Variants in GPR137B observed in about 807,000 individuals in gnomAD.
GPR137B encodes the protein integral membrane protein GPR137B.
Under a neutral mutation model 42.5 loss-of-function variants are expected in GPR137B, and 42 were observed. The observed-to-expected ratio is 0.99, with a 90% CI of 0.77 to 1.28. GPR137B has a LOEUF of 1.28. Ranked by LOEUF, GPR137B falls within the 50% of genes most tolerant of loss-of-function variation. The pLI is 0.00. For synonymous variants in GPR137B, 218 were observed against 209.7 expected, an observed-to-expected ratio of 1.04 and a Z score of -0.34; for missense variants, 487 against 493.9, an observed-to-expected ratio of 0.99 and a Z score of 0.13.
At chr1:236,157,543 CCTT>C (rs1382457967) in intron 1 of GPR137B, among the ~76,000 whole-genome samples, 7 of 152,126 alleles carry the variant, frequency 4.6e-5, no homozygotes, top group Non-Finnish European at 1.0e-4. Context: ...ACTTAGCCAT[CCTT>C]CTGTGTCCCT....
At position 236,198,243 on chromosome 1, in the gene GPR137B, C is replaced by T. The variant is rs149304675; in HGVS notation, c.967-6883C>T. On this transcript the variant is annotated intron_variant, in intron 5 of 6. Transcript: ENST00000366592. ...TTTTTGAGACAGAGTCTTGCTCTGT[C>T]GTCCAGGCTGGAGTGCAGTGGTGTG... Among the ~76,000 whole-genome samples, 4 of 152,110 alleles carry T rather than the reference C, an allele frequency of 2.6e-5. No homozygotes were observed. In the East Asian group the frequency reaches 7.7e-4, roughly 29 times the overall value.
At chr1:236,146,149 C>T (rs6685496) in intron 1 of GPR137B, among the ~76,000 whole-genome samples, 29,203 of 152,090 alleles carry the variant, frequency 0.19, 3,400 homozygotes, top group African/African-American at 0.31. Flanking sequence ...TGAGCCACCG[C>T]GCCTGGCCAT....
intron 5 of GPR137B, among the ~76,000 whole-genome samples, chr1:236,188,238 T>G (rs1330186214): frequency 6.6e-6 from 1 of 152,190 alleles, no homozygotes; most frequent in Non-Finnish European, 1.5e-5. Context: ...ACAGTGGGGT[T>G]TTCTAAATAT....
chr1:236,153,671 TCTC>T (rs1437124768), intron 1 of GPR137B, among the ~76,000 whole-genome samples: 1 of 152,200 alleles, frequency 6.6e-6, no homozygotes, highest in Non-Finnish European at 1.5e-5. Context: ...GTCAACGACT[TCTC>T]CATTGTGCGA....
intron 2 of GPR137B, among the ~76,000 whole-genome samples, chr1:236,176,494 G>A (rs2102908851): frequency 6.6e-6 from 1 of 152,164 alleles, no homozygotes; most frequent in Non-Finnish European, 1.5e-5. Context: ...CTGCTTGGGG[G>A]CCCGGGCTGC....
At chr1:236,205,931 T>C (rs1365357626) in intron 6 of GPR137B, among the ~76,000 whole-genome samples, 2 of 152,254 alleles carry the variant, frequency 1.3e-5, no homozygotes, top group African/African-American at 4.8e-5. Flanking sequence ...CACTTGTCTA[T>C]GGAATCACTC....
At chr1:236,173,400 A>AAG (rs957785690) in intron 2 of GPR137B, among the ~76,000 whole-genome samples, 3 of 102,706 alleles carry the variant, frequency 2.9e-5, no homozygotes, top group Non-Finnish European at 5.4e-5. Context: ...CAGGTAGGGA[A>AAG]AGAGAGAGAG....
intron 1 of GPR137B, among the ~76,000 whole-genome samples, chr1:236,149,130 C>T (rs949173419): frequency 2.0e-5 from 3 of 152,220 alleles, no homozygotes; most frequent in Non-Finnish European, 4.4e-5. Flanking sequence ...GGTCCCCGGG[C>T]TGACCCTGCC....
At chr1:236,203,851 GAATTT>G (rs761856930) in intron 5 of GPR137B, among the ~76,000 whole-genome samples, 6 of 152,104 alleles carry the variant, frequency 3.9e-5, no homozygotes, top group Non-Finnish European at 8.8e-5. Context: ...CAACTTTACT[GAATTT>G]ATTAGTTCTC....
At chr1:236,200,326 AGTT>A (rs1663456062) in intron 5 of GPR137B, among the ~76,000 whole-genome samples, 1 of 151,964 alleles carries the variant, frequency 6.6e-6, no homozygotes. Context: ...TATATTCTGC[AGTT>A]GTTGGGTAGA....
chr1:236,160,571 A>G (rs141736025), intron 1 of GPR137B, among the ~76,000 whole-genome samples: 1 of 152,162 alleles, frequency 6.6e-6, no homozygotes, highest in African/African-American at 2.4e-5. Flanking sequence ...AGGTCTCCCC[A>G]TCTTAAAAAC....
chr1:236,158,950 T>G (rs1348671698), intron 1 of GPR137B, among the ~76,000 whole-genome samples: 1 of 152,184 alleles, frequency 6.6e-6, no homozygotes, highest in Non-Finnish European at 1.5e-5. Flanking sequence ...AGAGGTGACT[T>G]CTGTTGAGTT....
intron 1 of GPR137B, among the ~76,000 whole-genome samples, chr1:236,146,626 C>T (rs564526710): frequency 2.0e-5 from 3 of 152,300 alleles, no homozygotes; most frequent in East Asian, 1.9e-4. Flanking sequence ...TCCGAGCCTC[C>T]GTGCAATGCA....
intron 1 of GPR137B, among the ~76,000 whole-genome samples, chr1:236,143,639 C>T (rs1401052650): frequency 2.0e-5 from 3 of 152,126 alleles, no homozygotes; most frequent in Non-Finnish European, 4.4e-5. Flanking sequence ...CACCCAGCTC[C>T]GAGCTGCTGC....
At chr1:236,179,249 GTC>G (rs2102911040) in intron 3 of GPR137B, among the ~76,000 whole-genome samples, 1 of 152,234 alleles carries the variant, frequency 6.6e-6, no homozygotes, top group African/African-American at 2.4e-5. Context: ...GTTAATGACT[GTC>G]TAATACAGTA....
chr1:236,183,744 T>G, intron 4 of GPR137B, 34 bp from the exon 5 acceptor site: 1 of 1,537,916 alleles, frequency 6.5e-7, no homozygotes, highest in Non-Finnish European at 8.9e-7. Flanking sequence ...CCTCTTCCCT[T>G]GGTCTGATGA....
At chr1:236,200,298 G>A (rs1663455608) in intron 5 of GPR137B, among the ~76,000 whole-genome samples, 1 of 151,964 alleles carries the variant, frequency 6.6e-6, no homozygotes, top group African/African-American at 2.4e-5. Context: ...AATGTTCTAT[G>A]TGCCAATGAA....
rs769084404 is a variant in GPR137B at position 236,180,171 on chromosome 1, C to T, written c.837+143C>T. On this transcript the variant is annotated intron_variant, in intron 4 of 6. Transcript: ENST00000366592. ...TGGTGTAGTATCTGCATATAACCTACACGCATCCTTCTGTATACTTTAAAT... is the reference window on the plus strand; with the variant it reads ...TGGTGTAGTATCTGCATATAACCTATACGCATCCTTCTGTATACTTTAAAT... 6.0e-6 allele frequency: 4 copies of T among 661,768 alleles called. No homozygotes were observed. The African/African-American group carries it at 7.2e-5, about 12-fold the overall frequency. 41.0% of individuals were successfully genotyped at this position (661,768 alleles called of 1,614,324 possible).
At position 236,166,974 on chromosome 1, in the gene GPR137B, G is replaced by A. The variant is rs556135565; in HGVS notation, c.415-1732G>A. Among the ~76,000 whole-genome samples the A allele has an allele frequency of 2.8e-4, 42 of 152,220 alleles. No homozygotes were observed. In the South Asian group the frequency reaches 7.9e-3, roughly 29 times the overall value. ...TTCATGAGGGAGAGGAGGACCAGGC[G>A]GGTATGCACGTTGAGCACCGGGGTT... is the stretch of plus-strand genomic sequence containing the variant. On this transcript the variant is annotated intron_variant, in intron 1 of 6. Transcript: ENST00000366592.
Sources: allele counts gnomAD v4.1 joint callset (sites outside exome capture counted in the v4.1 genomes callset), GRCh38; gene constraint gnomAD v4.1.1; transcripts MANE v1.5; gene names NCBI Gene and HGNC (gene_info 2026-07-23, HGNC 2026-07-21).